Variants in ATP13A5 observed in about 807,000 individuals in gnomAD.
The protein encoded by ATP13A5 is probable cation-transporting ATPase 13A5.
In ATP13A5, 149 loss-of-function variants were observed where a neutral mutation model predicts 150.2. The observed-to-expected ratio is 0.99, with a 90% CI of 0.87 to 1.14. The LOEUF (loss-of-function observed/expected upper bound fraction) is 1.14, where lower values mean the gene tolerates loss of function less well. ATP13A5 is among the 50% of genes most tolerant of loss of function. The pLI, the probability that ATP13A5 is intolerant of heterozygous loss-of-function variation, is 0.00. For missense variants in ATP13A5, 1,383 were observed against 1,449.3 expected, an observed-to-expected ratio of 0.95 and a Z score of 0.74; for synonymous variants, 497 against 522.2, an observed-to-expected ratio of 0.95 and a Z score of 0.66.
At chr3:193,321,627 T>A in intron 16 of ATP13A5, 54 bp downstream of exon 16, 1 of 1,586,668 alleles carries the variant, frequency 6.3e-7, no homozygotes, top group Non-Finnish European at 8.6e-7. Context: ...CAAGATTCTG[T>A]CTCAAAGAAA....
intron 5 of ATP13A5, among the ~76,000 whole-genome samples, chr3:193,355,065 TG>T (rs1436455164): frequency 8.6e-5 from 13 of 151,752 alleles, no homozygotes; most frequent in East Asian, 1.9e-4. Context: ...CCCGAGTAGC[TG>T]GGATTACAGG....
At position 193,305,567 on chromosome 3, in the gene ATP13A5, A is replaced by G; in HGVS notation, c.2670T>C (p.His890=). 6.2e-7 allele frequency: 1 copy of G among 1,613,602 alleles called. No individual in the cohort carries two copies. The highest frequency in any genetic ancestry group is 8.5e-7 in the Non-Finnish European group (1 of 1,179,562). The change falls in exon 23 of 30, where the codon CAT becomes CAC. Residue 890 remains histidine, a synonymous_variant. Transcript: ENST00000342358. ...AGGAAAAAATGACTTACCTGATGAG[A>G]TGAGGCACACACTGGATGTTGGTTG... is the stretch of plus-strand genomic sequence containing the variant. ...SKTTNIQCVP[H]LIREGRAALV... is the part of the protein sequence containing the mutation.
chr3:193,337,922 T>C (rs901536039), intron 9 of ATP13A5, among the ~76,000 whole-genome samples: 1 of 152,206 alleles, frequency 6.6e-6, no homozygotes, highest in African/African-American at 2.4e-5. Flanking sequence ...CAGTGGTTTG[T>C]AGTTCTCCTT....
At chr3:193,342,366 A>T (rs951228702) in intron 9 of ATP13A5, among the ~76,000 whole-genome samples, 1 of 152,194 alleles carries the variant, frequency 6.6e-6, no homozygotes, top group Admixed American at 6.5e-5. Context: ...AAATATGTAC[A>T]TGAGTGGGAG....
intron 27 of ATP13A5, among the ~76,000 whole-genome samples, chr3:193,283,425 A>G (rs1486554826): frequency 8.4e-6 from 1 of 118,728 alleles, no homozygotes; most frequent in African/African-American, 2.6e-5. Context: ...AACAGAAAAA[A>G]AATAAGTTTA....
At chr3:193,304,730 G>A (rs1718541709) in intron 23 of ATP13A5, among the ~76,000 whole-genome samples, 3 of 152,170 alleles carry the variant, frequency 2.0e-5, no homozygotes, top group Admixed American at 2.0e-4. Context: ...ATAAACGTCT[G>A]TTAATGGCTT....
At chr3:193,278,774 C>T (rs564018972) in intron 28 of ATP13A5, among the ~76,000 whole-genome samples, 56 of 152,234 alleles carry the variant, frequency 3.7e-4, no homozygotes, top group African/African-American at 1.2e-3. Context: ...CCTCAGGTAG[C>T]GTTCAAGTAT....
At chr3:193,372,760 T>C (rs1713497838) in intron 1 of ATP13A5, among the ~76,000 whole-genome samples, 1 of 152,236 alleles carries the variant, frequency 6.6e-6, no homozygotes, top group South Asian at 2.1e-4. Flanking sequence ...ACCTTGTTTT[T>C]TGAAAATAAC....
chr3:193,324,888 G>C lies in ATP13A5; in HGVS notation c.1650C>G (p.Leu550=), dbSNP rs1456793113. The stretch of plus-strand genomic sequence containing the variant: ...CCCAGGCAGTGCCCTCAAACATTTT[G>C]AGGTCCAGAGGGTCTCCCTGGATGG... ...NGTIQGDPLD[L]KMFEGTAWKM... Residue 550 remains leucine, a synonymous_variant, in exon 14 of 30, where the codon CTC becomes CTG. Coordinates refer to ENST00000342358, the MANE Select transcript of ATP13A5 (RefSeq NM_198505.4). 1.6e-5 allele frequency: 26 copies of C among 1,613,878 alleles called. No individual in the cohort carries two copies. The highest frequency in any genetic ancestry group is 2.2e-5 in the Non-Finnish European group (26 of 1,179,960).
chr3:193,320,875 C>T (rs1719245188), intron 16 of ATP13A5, among the ~76,000 whole-genome samples: 1 of 152,228 alleles, frequency 6.6e-6, no homozygotes, highest in Admixed American at 6.5e-5. Context: ...AGCTCAAAGT[C>T]TGGCCCAGAA....
intron 1 of ATP13A5, among the ~76,000 whole-genome samples, chr3:193,377,368 C>T (rs899308416): frequency 5.9e-5 from 9 of 152,150 alleles, no homozygotes; most frequent in Non-Finnish European, 1.2e-4. Flanking sequence ...CTAGCAGCCA[C>T]ATTAAAGATG....
At chr3:193,329,220 A>T (rs923505417) in intron 12 of ATP13A5, among the ~76,000 whole-genome samples, 2 of 150,508 alleles carry the variant, frequency 1.3e-5, no homozygotes, top group Non-Finnish European at 3.0e-5. Context: ...CAGCCTGGTG[A>T]CAGAGCGAGA....
intron 7 of ATP13A5, among the ~76,000 whole-genome samples, chr3:193,347,524 C>CTTTTCTTTTTTTTTTTTTTTT (rs72383894): frequency 6.9e-6 from 1 of 145,388 alleles, no homozygotes; most frequent in Non-Finnish European, 1.5e-5. Context: ...CCTTAGATTT[C>CTTTTCTTTTTTTTTTTTTTTT]TTTTTTTTTT....
At chr3:193,296,927 C>T (rs891739594) in intron 25 of ATP13A5, among the ~76,000 whole-genome samples, 22 of 151,938 alleles carry the variant, frequency 1.4e-4, no homozygotes, top group African/African-American at 5.3e-4. Context: ...AACACATGGA[C>T]ACATAGTGGG....
At chr3:193,293,129 C>T (rs1455647665) in intron 25 of ATP13A5, among the ~76,000 whole-genome samples, 2 of 152,018 alleles carry the variant, frequency 1.3e-5, no homozygotes, top group Non-Finnish European at 2.9e-5. Context: ...CTGGAAACCC[C>T]AGTATTTCTG....
intron 12 of ATP13A5, 63 bp downstream of exon 12, chr3:193,331,060 T>A: frequency 6.6e-7 from 1 of 1,519,272 alleles, no homozygotes; most frequent in Non-Finnish European, 9.0e-7. Flanking sequence ...TTTTCTGAGG[T>A]TCTTCCCAGC....
chr3:193,320,235 T>A (rs1287709731), intron 16 of ATP13A5, among the ~76,000 whole-genome samples: 1 of 152,224 alleles, frequency 6.6e-6, no homozygotes, highest in Non-Finnish European at 1.5e-5. Flanking sequence ...ATCCATAAAA[T>A]GAGAATTCCA....
intron 22 of ATP13A5, among the ~76,000 whole-genome samples, 164 bp from the exon 23 acceptor site, chr3:193,305,832 C>T (rs1034154464): frequency 3.3e-5 from 5 of 152,080 alleles, no homozygotes; most frequent in Admixed American, 6.5e-5. Flanking sequence ...CCTCTCTCCC[C>T]TGATCCACAA....
At chr3:193,327,204 A>G (rs1719497279) in intron 12 of ATP13A5, 147 bp from the exon 13 acceptor site, 4 of 676,212 alleles carry the variant, frequency 5.9e-6, no homozygotes, top group South Asian at 2.0e-5. Context: ...TAAATCAGAG[A>G]GGAGTACCCA....
Sources: gnomAD v4.1 joint callset for allele counts (sites outside exome capture counted in the v4.1 genomes callset) on GRCh38, gnomAD v4.1.1 for gene constraint, MANE v1.5 for transcripts, NCBI Gene and HGNC (gene_info 2026-07-23, HGNC 2026-07-21) for gene names.